Variants in ANKRD33B observed in about 807,000 individuals in gnomAD.
The protein encoded by ANKRD33B is ankyrin repeat domain 33B.
A neutral mutation model predicts 21.5 loss-of-function variants in ANKRD33B; 6 were observed. The observed-to-expected ratio is 0.28, with a 90% confidence interval of 0.15 to 0.55. ANKRD33B has a LOEUF of 0.55. Ranked by LOEUF, ANKRD33B falls within the 20% of genes least tolerant of loss-of-function variation. ANKRD33B has a pLI of 0.94. For missense variants in ANKRD33B, 698 were observed against 747.2 expected, an observed-to-expected ratio of 0.93 and a Z score of 0.77; for synonymous variants, 347 against 342.4, an observed-to-expected ratio of 1.01 and a Z score of -0.15.
intron 1 of ANKRD33B, among the ~76,000 whole-genome samples, chr5:10,578,785 GAAAAA>G (rs1398219276): frequency 1.3e-5 from 2 of 152,118 alleles, no homozygotes; most frequent in African/African-American, 4.8e-5. Context: ...AGTTAATTTT[GAAAAA>G]CCCCAAACCT....
chr5:10,587,040 A>C (rs1189518114), intron 1 of ANKRD33B, among the ~76,000 whole-genome samples: 1 of 148,920 alleles, frequency 6.7e-6, no homozygotes, highest in Non-Finnish European at 1.5e-5. Flanking sequence ...TTTGAGATGG[A>C]GTCTCGCTCT....
rs1737370778 is a variant in ANKRD33B, at chr5:10,652,087, T to G, written c.*1974T>G. The G allele has an allele frequency of 6.6e-6, 1 of 152,368 alleles. No homozygotes were observed. The highest frequency in any genetic ancestry group is 2.4e-5 in the African/African-American group (1 of 41,434). The allele number at this position is 152,368 out of a possible 1,614,324, so 9.4% of individuals were successfully genotyped here. A position where few individuals can be genotyped will look rare whatever the true frequency, so the allele number is the denominator to read the frequency against. Reference sequence around the variant, plus strand: ...GACACTGGTTATCTTTGGGGTTGTCTTTCCTGAATCCTTTGGCATGTGGCA... The same window carrying G: ...GACACTGGTTATCTTTGGGGTTGTCGTTCCTGAATCCTTTGGCATGTGGCA... On this transcript the variant is annotated 3_prime_UTR_variant, in exon 4 of 4. Transcript: ENST00000296657. This position sits in a 1 kb window ranked among gnomAD's most constrained non-coding sequence, Gnocchi z 4.1.
intron 1 of ANKRD33B, among the ~76,000 whole-genome samples, chr5:10,571,521 C>A (rs1735186931): frequency 2.0e-5 from 3 of 152,148 alleles, no homozygotes; most frequent in Admixed American, 2.0e-4. Context: ...TTTATTTGAG[C>A]CAACAGGTGT....
intron 1 of ANKRD33B, among the ~76,000 whole-genome samples, chr5:10,603,752 A>G (rs1014127715): frequency 1.6e-4 from 24 of 152,164 alleles, no homozygotes; most frequent in African/African-American, 2.4e-5. Flanking sequence ...TTTTAAATGT[A>G]TATTTATCTT....
chr5:10,642,140 C>T (rs1387299881), intron 3 of ANKRD33B, among the ~76,000 whole-genome samples: 2 of 152,084 alleles, frequency 1.3e-5, no homozygotes, highest in Non-Finnish European at 2.9e-5. Flanking sequence ...GGTCAGTTGC[C>T]CTCTAATCGC....
At chr5:10,614,716 G>A (rs1736245481) in intron 1 of ANKRD33B, among the ~76,000 whole-genome samples, 1 of 152,122 alleles carries the variant, frequency 6.6e-6, no homozygotes, top group East Asian at 1.9e-4. Context: ...GTAAAACCCT[G>A]TCCCTACTAA....
At chr5:10,569,351 C>A (rs1420622584) in intron 1 of ANKRD33B, among the ~76,000 whole-genome samples, 1 of 152,110 alleles carries the variant, frequency 6.6e-6, no homozygotes, top group Non-Finnish European at 1.5e-5. Flanking sequence ...AATCCCAGCA[C>A]TTTGGGAGGC....
At chr5:10,568,412 G>T (rs1454623922) in intron 1 of ANKRD33B, among the ~76,000 whole-genome samples, 2 of 152,244 alleles carry the variant, frequency 1.3e-5, no homozygotes, top group Non-Finnish European at 2.9e-5. Context: ...CACACAAAGT[G>T]TGTTGTTTTA....
intron 1 of ANKRD33B, among the ~76,000 whole-genome samples, chr5:10,579,069 T>C (rs370983120): frequency 2.0e-5 from 3 of 151,516 alleles, no homozygotes; most frequent in African/African-American, 7.3e-5. Flanking sequence ...GAGGCTGAGG[T>C]TGGAGAATCA....
chr5:10,632,503 G>T (rs1457554746), intron 2 of ANKRD33B, among the ~76,000 whole-genome samples: 3 of 152,130 alleles, frequency 2.0e-5, no homozygotes, highest in African/African-American at 7.2e-5. Context: ...GTCATTTCCA[G>T]CTTTCCTCTT....
intron 1 of ANKRD33B, among the ~76,000 whole-genome samples, chr5:10,583,566 G>A (rs1272951622): frequency 2.0e-5 from 3 of 152,182 alleles, no homozygotes; most frequent in African/African-American, 7.2e-5. Flanking sequence ...GAAGTCACTG[G>A]AATAGGGATA....
chr5:10,595,034 G>T (rs1735788876), intron 1 of ANKRD33B, among the ~76,000 whole-genome samples: 1 of 152,174 alleles, frequency 6.6e-6, no homozygotes. Context: ...AGAGCTGCAG[G>T]AGCAGATGTT....
intron 1 of ANKRD33B, among the ~76,000 whole-genome samples, chr5:10,613,119 G>A (rs1201054507): frequency 6.6e-6 from 1 of 152,092 alleles, no homozygotes; most frequent in African/African-American, 2.4e-5. Context: ...GGCTCCCTGG[G>A]CCTCTGGTGC....
intron 2 of ANKRD33B, among the ~76,000 whole-genome samples, chr5:10,631,514 C>T (rs1736709028): frequency 6.6e-6 from 1 of 152,224 alleles, no homozygotes; most frequent in African/African-American, 2.4e-5. Flanking sequence ...TAAAGGGTTG[C>T]AGCCTGCAGG....
chr5:10,593,858 C>G (rs748105702), intron 1 of ANKRD33B, among the ~76,000 whole-genome samples: 8 of 151,960 alleles, frequency 5.3e-5, no homozygotes, highest in Non-Finnish European at 1.0e-4. Flanking sequence ...GATAGTTCAT[C>G]TCCTTTTCTG....
At chr5:10,639,030 C>G (rs1202624196) in intron 3 of ANKRD33B, among the ~76,000 whole-genome samples, 1 of 36,646 alleles carries the variant, frequency 2.7e-5, no homozygotes, top group Non-Finnish European at 5.2e-5. Context: ...AGTTGCGCGG[C>G]GATGTTAGCG....
In ANKRD33B at chr5:10,571,398, C is replaced by T. The variant is rs376726411; in HGVS notation, c.366+6565C>T. On this transcript the variant is annotated intron_variant, in intron 1 of 3. Transcript: ENST00000296657. Reference sequence around the variant, plus strand: ...TGAATTTTGAGTAGAGATGGAGTTTCGCCATGTTGGCCAGGCTGGTCTCAA... The same window carrying T: ...TGAATTTTGAGTAGAGATGGAGTTTTGCCATGTTGGCCAGGCTGGTCTCAA... Among the ~76,000 whole-genome samples, 8 of 152,010 alleles carry T rather than the reference C, an allele frequency of 5.3e-5. No individual in the cohort carries two copies. The East Asian group carries it at 7.8e-4, about 15-fold the overall frequency.
rs1320636054 is a variant in ANKRD33B at position 10,619,834 on chromosome 5, T to G, written c.496+1372T>G. Among the ~76,000 whole-genome samples the G allele has an allele frequency of 2.0e-5, 3 of 152,162 alleles. No individual in the cohort carries two copies. ...CGTCCTTGAGTAATTCTGCAGCTCA[T>G]GGGACAGAGAAACACACGAAGCCCA... is the stretch of plus-strand genomic sequence containing the variant. On this transcript the variant is annotated intron_variant, in intron 2 of 3. Coordinates refer to ENST00000296657, the MANE Select transcript of ANKRD33B (RefSeq NM_001164440.2). The surrounding 1 kb of genome is among the most constrained non-coding windows in gnomAD (Gnocchi z 4.5).
intron 3 of ANKRD33B, among the ~76,000 whole-genome samples, chr5:10,640,652 C>A (rs1333391298): frequency 6.6e-6 from 1 of 152,228 alleles, no homozygotes; most frequent in Admixed American, 6.5e-5. Flanking sequence ...ATTTTAATTT[C>A]TCTTTATTTT....
Sources: allele counts gnomAD v4.1 joint callset (sites outside exome capture counted in the v4.1 genomes callset), GRCh38; gene constraint gnomAD v4.1.1; non-coding constraint Gnocchi (gnomAD v3.1); transcripts MANE v1.5; gene names NCBI Gene and HGNC (gene_info 2026-07-23, HGNC 2026-07-21).